APBB2: variants seen among roughly 807,000 people sequenced by gnomAD.
APBB2 encodes amyloid beta precursor protein binding family B member 2.
A neutral mutation model predicts 82.5 loss-of-function variants in APBB2; 38 were observed. That is an observed-to-expected ratio of 0.46 (90% CI 0.36 to 0.60). APBB2 has a LOEUF of 0.60. Among genes scored for constraint, APBB2 ranks in the 20% least tolerant of loss-of-function variants. APBB2 has a pLI of 0.00. For missense variants in APBB2, 772 were observed against 972.3 expected (o/e 0.79, Z 2.74); for synonymous variants, 341 against 368.2 (o/e 0.93, Z 0.85).
chr4:40,819,246 T>G lies in APBB2; in HGVS notation c.2112+2625A>C, dbSNP rs1348698813. Among the ~76,000 whole-genome samples the G allele has an allele frequency of 3.4e-5, 5 of 148,286 alleles. No homozygotes were observed. The South Asian group carries it at 8.7e-4, about 26-fold the overall frequency. ...TTTCACACAGGCTGAAGTGCAGTGGTGCAATCTCAGCTCACTGCAACCTCC... is the reference window on the plus strand; with the variant it reads ...TTTCACACAGGCTGAAGTGCAGTGGGGCAATCTCAGCTCACTGCAACCTCC... On this transcript the variant is annotated intron_variant, in intron 17 of 17. Transcript: ENST00000508593.
rs938963550 is a variant in APBB2, at chr4:40,815,804, T to C, written c.*288A>G. On this transcript the variant is annotated 3_prime_UTR_variant, in exon 18 of 18. Transcript: ENST00000508593. The stretch of plus-strand genomic sequence containing the variant: ...TAGGAGGGGTGGGGCCACACTCTTC[T>C]CTGTGTGTGTGTGAAGTTAAGTAAT... The C allele has an allele frequency of 3.1e-6, 1 of 319,610 alleles. No homozygotes were observed. The highest frequency in any genetic ancestry group is 5.9e-6 in the Non-Finnish European group (1 of 170,116). The allele number at this position is 319,610 out of a possible 1,614,324, so 19.8% of individuals were successfully genotyped here.
intron 6 of APBB2, among the ~76,000 whole-genome samples, chr4:41,007,332 C>T (rs1344977199): frequency 6.6e-6 from 1 of 151,798 alleles, no homozygotes; most frequent in African/African-American, 2.4e-5. Flanking sequence ...TGGTGTTATG[C>T]TCTTGGACTT....
chr4:40,931,895 T>C (rs1276755491), intron 10 of APBB2, among the ~76,000 whole-genome samples: 3 of 152,212 alleles, frequency 2.0e-5, no homozygotes, highest in African/African-American at 7.2e-5. Context: ...CATGTATTTT[T>C]TGTTGTTGTT....
intron 5 of APBB2, among the ~76,000 whole-genome samples, chr4:41,017,917 C>T (rs555776119): frequency 4.6e-5 from 7 of 152,292 alleles, no homozygotes; most frequent in African/African-American, 1.4e-4. Context: ...TACAATGTTT[C>T]TTTAAACCTT....
chr4:40,891,628 G>A (rs114008062), intron 11 of APBB2, among the ~76,000 whole-genome samples: 2 of 152,306 alleles, frequency 1.3e-5, no homozygotes, highest in African/African-American at 4.8e-5. Context: ...GTCAGACAGC[G>A]TTGAAGCTGT....
At chr4:41,161,184 A>AC (rs1340580301) in intron 1 of APBB2, among the ~76,000 whole-genome samples, 1 of 151,974 alleles carries the variant, frequency 6.6e-6, no homozygotes, top group Non-Finnish European at 1.5e-5. Context: ...AAAAAAAAAA[A>AC]AAAAAAAAAA....
intron 6 of APBB2, among the ~76,000 whole-genome samples, chr4:40,960,962 A>G (rs1307406808): frequency 1.5e-5 from 1 of 66,240 alleles, no homozygotes; most frequent in Non-Finnish European, 3.2e-5. Flanking sequence ...GCCCTCCTTT[A>G]AAAAAAAAAA....
At chr4:41,115,130 G>C (rs1054469338) in intron 2 of APBB2, among the ~76,000 whole-genome samples, 1 of 152,102 alleles carries the variant, frequency 6.6e-6, no homozygotes, top group African/African-American at 2.4e-5. Context: ...CATATATACA[G>C]ACCAATGGAA....
At chr4:40,937,961 C>G (rs2154377034) in intron 7 of APBB2, among the ~76,000 whole-genome samples, 1 of 152,292 alleles carries the variant, frequency 6.6e-6, no homozygotes, top group South Asian at 2.1e-4. Flanking sequence ...TCTGTATCCA[C>G]CCCCGTAGGG....
At chr4:40,856,699 G>A (rs941204948) in intron 12 of APBB2, among the ~76,000 whole-genome samples, 2 of 151,954 alleles carry the variant, frequency 1.3e-5, no homozygotes, top group African/African-American at 2.4e-5. Flanking sequence ...GAAATGCCCC[G>A]TGCAGACCCC....
chr4:41,123,303 G>A (rs1167169266), intron 2 of APBB2, among the ~76,000 whole-genome samples: 7 of 152,026 alleles, frequency 4.6e-5, no homozygotes, highest in Admixed American at 3.3e-4. Flanking sequence ...TGAATGATTC[G>A]GTCGGTCAGA....
chr4:41,194,388 T>A, intron 1 of APBB2, among the ~76,000 whole-genome samples: 3 of 152,092 alleles, frequency 2.0e-5, no homozygotes, highest in Admixed American at 2.0e-4. Flanking sequence ...ATAAAATAAA[T>A]ATACACATCT....
At chr4:40,965,153 T>C (rs1479825055) in intron 6 of APBB2, among the ~76,000 whole-genome samples, 1 of 150,526 alleles carries the variant, frequency 6.6e-6, no homozygotes, top group East Asian at 2.0e-4. Context: ...TGGTTGACTA[T>C]GGGTGGAAAA....
At chr4:40,982,389 A>AGGAAG (rs1560448998) in intron 6 of APBB2, among the ~76,000 whole-genome samples, 14 of 16,596 alleles carry the variant, frequency 8.4e-4, no homozygotes, top group Admixed American at 1.8e-3. Flanking sequence ...GAAGGAAGGA[A>AGGAAG]GGAAAGGAAA....
At chr4:41,146,879 G>C (rs886882353) in intron 1 of APBB2, among the ~76,000 whole-genome samples, 1 of 152,196 alleles carries the variant, frequency 6.6e-6, no homozygotes, top group Non-Finnish European at 1.5e-5. Flanking sequence ...GCCGCGGCCC[G>C]GGCTGATGTG....
chr4:40,835,832 C>T (rs971034634), intron 12 of APBB2, among the ~76,000 whole-genome samples: 21 of 152,140 alleles, frequency 1.4e-4, no homozygotes, highest in African/African-American at 4.8e-4. Context: ...GAGAACAGGG[C>T]AGAGGAGACA....
At chr4:40,963,032 T>C (rs1412244428) in intron 6 of APBB2, among the ~76,000 whole-genome samples, 1 of 152,186 alleles carries the variant, frequency 6.6e-6, no homozygotes, top group Non-Finnish European at 1.5e-5. Flanking sequence ...TTTGGTTCTT[T>C]TTTTCCCCTT....
intron 12 of APBB2, among the ~76,000 whole-genome samples, chr4:40,886,475 C>G (rs956210955): frequency 6.6e-6 from 1 of 151,752 alleles, no homozygotes; most frequent in African/African-American, 2.4e-5. Flanking sequence ...AGTGAAACTC[C>G]ATCTCAAAAA....
Position 41,115,536 on chromosome 4 carries a change from A to C in APBB2, c.-260-14786T>G, listed in dbSNP as rs904454362. 1.8e-4 allele frequency among the ~76,000 whole-genome samples: 27 copies of C among 152,196 alleles called. 1 individual carries two copies. Among genetic ancestry groups the C allele is most frequent in the African/African-American group, 6.0e-4 (25 of 41,456 alleles). On this transcript the variant is annotated intron_variant, in intron 2 of 17. Coordinates refer to ENST00000508593, the MANE Select transcript of APBB2 (RefSeq NM_004307.2). ...GAAACTATCATCAGAGTGAACAGGCAACCTACAGAATGGGAGAAAATTTTT... is the reference window on the plus strand; with the variant it reads ...GAAACTATCATCAGAGTGAACAGGCCACCTACAGAATGGGAGAAAATTTTT...
Sources: allele counts gnomAD v4.1 joint callset (sites outside exome capture counted in the v4.1 genomes callset), GRCh38; gene constraint gnomAD v4.1.1; transcripts MANE v1.5; gene names NCBI Gene and HGNC (gene_info 2026-07-23, HGNC 2026-07-21).